The following PHF20L1 variants were observed in gnomAD, a reference collection of about 807,000 sequenced individuals.
The protein encoded by PHF20L1 is PHD finger protein 20 like 1, also known as PHD finger protein 20-like protein 1.
Under a neutral mutation model 125.5 loss-of-function variants are expected in PHF20L1, and 44 were observed. That is an observed-to-expected ratio of 0.35 (90% CI 0.28 to 0.45). The LOEUF (loss-of-function observed/expected upper bound fraction) is 0.45, where lower values mean the gene tolerates loss of function less well. PHF20L1 is among the 20% of genes least tolerant of loss of function. PHF20L1 has a pLI of 1.00. For missense variants in PHF20L1, 1,012 were observed against 1,217.2 expected, an observed-to-expected ratio of 0.83 and a Z score of 2.51; for synonymous variants, 380 against 403.1, an observed-to-expected ratio of 0.94 and a Z score of 0.69.
chr8:132,822,206 T>G (rs145307707), intron 12 of PHF20L1, among the ~76,000 whole-genome samples: 151 of 152,062 alleles, frequency 9.9e-4, no homozygotes, highest in African/African-American at 3.5e-3. Flanking sequence ...GAACTGACTC[T>G]CTGGACCCCA....
chr8:132,791,254 CTTTTTTTTTTT>C (rs1184118420), intron 2 of PHF20L1, among the ~76,000 whole-genome samples: 3 of 117,132 alleles, frequency 2.6e-5, no homozygotes, highest in Non-Finnish European at 3.5e-5. Context: ...GAGTTATTTC[CTTTTTTTTTTT>C]TTTTTTTTTT....
At position 132,832,352 on chromosome 8, in the gene PHF20L1, C is replaced by T; in HGVS notation, c.1862C>T (p.Thr621Ile). Residue 621 changes from threonine to isoleucine, a missense_variant, in exon 15 of 21, where the codon ACC becomes ATC. Physicochemically the swap from Thr to Ile is moderately conservative, Grantham distance 89. Transcript: ENST00000395386. ...SRSMFTEKTTTYQYPRAILSV... is the reference protein window; with the variant it reads ...SRSMFTEKTTIYQYPRAILSV... ...AGCATGTTTACGGAGAAAACTACAACCTATCAGTACCCAAGGGCAATTCTA... is the reference window on the plus strand; with the variant it reads ...AGCATGTTTACGGAGAAAACTACAATCTATCAGTACCCAAGGGCAATTCTA... The T allele has an allele frequency of 1.9e-6, 3 of 1,612,124 alleles. No individual in the cohort carries two copies. The highest frequency in any genetic ancestry group is 1.3e-5 in the African/African-American group (1 of 74,924).
chr8:132,797,038 C>G (rs563630590), intron 4 of PHF20L1, among the ~76,000 whole-genome samples: 1 of 152,038 alleles, frequency 6.6e-6, no homozygotes, highest in Non-Finnish European at 1.5e-5. Flanking sequence ...TCCCTTTCAT[C>G]TACAGGCATT....
chr8:132,820,929 C>G (rs1041480379), intron 12 of PHF20L1, among the ~76,000 whole-genome samples: 1 of 151,686 alleles, frequency 6.6e-6, no homozygotes, highest in African/African-American at 2.4e-5. Flanking sequence ...AAAAGAAATA[C>G]CTTTAGTAAC....
At chr8:132,820,226 A>G (rs976274068) in intron 12 of PHF20L1, among the ~76,000 whole-genome samples, 5 of 151,846 alleles carry the variant, frequency 3.3e-5, no homozygotes, top group African/African-American at 1.2e-4. Context: ...AGAGCCAGCC[A>G]ATTTTAGATA....
intron 10 of PHF20L1, 41 bp downstream of exon 10, chr8:132,814,930 G>T (rs897088295): frequency 8.5e-6 from 12 of 1,405,486 alleles, no homozygotes; most frequent in Non-Finnish European, 1.2e-5. Context: ...TATCCTATAA[G>T]ATACATTAAA....
intron 6 of PHF20L1, among the ~76,000 whole-genome samples, chr8:132,801,875 A>T (rs2911945): frequency 6.6e-6 from 1 of 151,704 alleles, no homozygotes; most frequent in African/African-American, 2.4e-5. Context: ...AAACATATTT[A>T]AATTTAAAAG....
chr8:132,798,972 G>A, intron 5 of PHF20L1, 112 bp downstream of exon 5: 1 of 1,045,192 alleles, frequency 9.6e-7, no homozygotes, highest in Non-Finnish European at 1.4e-6. Flanking sequence ...GTAGGGTTAT[G>A]TGCTGATAGC....
chr8:132,835,472 A>G (rs750256306), intron 15 of PHF20L1, among the ~76,000 whole-genome samples: 8 of 152,096 alleles, frequency 5.3e-5, no homozygotes, highest in African/African-American at 1.7e-4. Flanking sequence ...CCATTGTTAT[A>G]AATAAAGATT....
Position 132,839,444 on chromosome 8 carries a change from T to C in PHF20L1, c.2249T>C (p.Met750Thr), listed in dbSNP as rs1039038031. The change falls in exon 18 of 21, where the codon ATG (methionine) becomes ACG (threonine). Residue 750 changes from methionine to threonine, a missense_variant. Coordinates refer to ENST00000395386, the MANE Select transcript of PHF20L1 (RefSeq NM_016018.5). ...AAGGAGTGGTTGAATAATGGGAGAATGTGCGGGTTATCATTTTTCAAAGAA... is the reference window on the plus strand; with the variant it reads ...AAGGAGTGGTTGAATAATGGGAGAACGTGCGGGTTATCATTTTTCAAAGAA... ...YDKEWLNNGR[M>T]CGLSFFKENY... is the part of the protein sequence containing the mutation. 1 of 1,613,220 alleles carries C rather than the reference T, an allele frequency of 6.2e-7. No individual in the cohort carries two copies. Among genetic ancestry groups the C allele is most frequent in the Non-Finnish European group, 8.5e-7 (1 of 1,179,332 alleles).
chr8:132,833,166 G>A (rs1463574536), intron 15 of PHF20L1, among the ~76,000 whole-genome samples: 2 of 152,076 alleles, frequency 1.3e-5, no homozygotes, highest in Non-Finnish European at 2.9e-5. Flanking sequence ...AAGGGACGGG[G>A]CCTTCAGCAT....
chr8:132,784,656 T>C (rs1446406521), intron 2 of PHF20L1, among the ~76,000 whole-genome samples: 1 of 152,104 alleles, frequency 6.6e-6, no homozygotes, highest in African/African-American at 2.4e-5. Context: ...TTGGAAAAAA[T>C]ATAGAGGTTT....
chr8:132,817,110 T>C, intron 11 of PHF20L1, 34 bp downstream of exon 11: 1 of 1,281,402 alleles, frequency 7.8e-7, no homozygotes, highest in Non-Finnish European at 1.1e-6. Flanking sequence ...GAACCAAACA[T>C]AAAAGAAGAT....
In PHF20L1 at chr8:132,817,723, C is replaced by G. The variant is rs536950457; in HGVS notation, c.1579+178C>G. 37 of 572,766 alleles carry G rather than the reference C, an allele frequency of 6.5e-5. 1 individual carries two copies. The South Asian group carries it at 8.3e-4, about 13-fold the overall frequency. 35.5% of individuals were successfully genotyped at this position (572,766 alleles called of 1,614,324 possible). The stretch of plus-strand genomic sequence containing the variant: ...CCGTTTTAAAGGTCTTTTGTGTGAT[C>G]ATTTTACAATCATATTCCCTGGACA... On this transcript the variant is annotated intron_variant, in intron 12 of 20. Transcript: ENST00000395386.
Position 132,817,552 on chromosome 8 carries a change from GA to G in PHF20L1, c.1579+15del, listed in dbSNP as rs745627474. 19 of 1,593,382 alleles carry G rather than the reference GA, an allele frequency of 1.2e-5. No homozygotes were observed. The highest frequency in any genetic ancestry group is 5.3e-5 in the Admixed American group (3 of 57,030). On this transcript the variant is annotated splice_region_variant and intron_variant, in intron 12 of 20. Coordinates refer to ENST00000395386, the MANE Select transcript of PHF20L1 (RefSeq NM_016018.5). ...GGAGCTCCAGCAGCAGCAGGTAAAA[GA>G]AAAAAAATAAAGGCTCCTATAAGTA...
chr8:132,845,626 C>T (rs577803854), intron 20 of PHF20L1, among the ~76,000 whole-genome samples, 155 bp from the exon 21 acceptor site: 15 of 152,014 alleles, frequency 9.9e-5, no homozygotes, highest in Admixed American at 4.6e-4. Context: ...GATGACAGGA[C>T]GCTAACCTCT....
In PHF20L1 at chr8:132,844,175, C is replaced by T. The variant is rs770260925; in HGVS notation, c.2768C>T (p.Thr923Ile). Residue 923 changes from threonine (T) to isoleucine (I), a missense_variant, in exon 20 of 21, where the codon ACA becomes ATA. This residue lies in a region of PHF20L1 where 277 missense variants were observed against 283.6 expected (regional missense o/e 0.98). Coordinates refer to ENST00000395386, the MANE Select transcript of PHF20L1 (RefSeq NM_016018.5). Reference protein sequence around the residue: ...MPEKNPAEGNTVFVYNDKKGT... With the variant: ...MPEKNPAEGNIVFVYNDKKGT... ...GAGAAGAATCCAGCTGAAGGGAATA[C>T]AGTATTTGTTTATAATGATAAAAAG... 3.1e-6 allele frequency: 5 copies of T among 1,612,428 alleles called. No homozygotes were observed. In the Admixed American group the frequency reaches 6.7e-5, roughly 22 times the overall value.
intron 2 of PHF20L1, among the ~76,000 whole-genome samples, chr8:132,793,541 G>A (rs1319131485): frequency 2.6e-5 from 4 of 151,918 alleles, no homozygotes; most frequent in African/African-American, 9.7e-5. Context: ...CATCCACTGT[G>A]TGCTGCTATT....
In PHF20L1 at chr8:132,817,401, C is replaced by T. The variant is rs776764632; in HGVS notation, c.1435C>T (p.Arg479Cys). 31 of 1,612,654 alleles carry T rather than the reference C, an allele frequency of 1.9e-5. No homozygotes were observed. In the Admixed American group the frequency reaches 3.3e-4, roughly 17 times the overall value. The change falls in exon 12 of 21, where the codon CGT becomes TGT. Residue 479 changes from arginine to cysteine, a missense_variant. Arg to Cys is a radical substitution (Grantham distance 180). Coordinates refer to ENST00000395386, the MANE Select transcript of PHF20L1 (RefSeq NM_016018.5). ...LGPCLPLDLS[R>C]GSEVTAPVAS... is the part of the protein sequence containing the mutation. ...ACCCTGTCTCCCTCTTGACTTAAGT[C>T]GTGGTTCAGAAGTTACAGCACCGGT...
Sources: allele counts gnomAD v4.1 joint callset (sites outside exome capture counted in the v4.1 genomes callset), GRCh38; gene constraint gnomAD v4.1.1; regional missense constraint gnomAD v4.1.1; transcripts MANE v1.5; gene names NCBI Gene and HGNC (gene_info 2026-07-23, HGNC 2026-07-21).